Variants in C4orf36 observed in about 807,000 individuals in gnomAD.
C4orf36 encodes chromosome 4 open reading frame 36, also known as uncharacterized protein C4orf36.
Under a neutral mutation model 12.2 loss-of-function variants are expected in C4orf36, and 11 were observed. The ratio of observed to expected loss-of-function variants is 0.90; its 90% confidence interval spans 0.57 to 1.49. The LOEUF (loss-of-function observed/expected upper bound fraction) is 1.49, where lower values mean the gene tolerates loss of function less well. Ranked by LOEUF, C4orf36 falls within the 40% of genes most tolerant of loss-of-function variation. The pLI is 0.00. For synonymous variants in C4orf36, 54 were observed against 51.3 expected (o/e 1.05, Z -0.22); for missense variants, 137 against 133.9 (o/e 1.02, Z -0.11).
chr4:86,891,906 T>A (rs1332978331), intron 1 of C4orf36, among the ~76,000 whole-genome samples: 1 of 152,346 alleles, frequency 6.6e-6, no homozygotes, highest in South Asian at 2.1e-4. Flanking sequence ...ATCGTGGCAG[T>A]GCTGAGCGAC....
chr4:86,935,801 GAC>G, the C4orf36 span: 1 of 151,988 alleles, frequency 6.6e-6, no homozygotes, highest in East Asian at 1.9e-4. Flanking sequence ...CACCTTCTGA[GAC>G]TTAACTTCAG....
At chr4:86,888,529 A>G (rs1319705368) in intron 2 of C4orf36, among the ~76,000 whole-genome samples, 5 of 152,224 alleles carry the variant, frequency 3.3e-5, no homozygotes, top group Non-Finnish European at 7.4e-5. Flanking sequence ...CCATGAAGTC[A>G]ATCCATTCTT....
the C4orf36 span, chr4:86,934,925 A>G: frequency 1.3e-5 from 2 of 151,634 alleles, no homozygotes; most frequent in Non-Finnish European, 2.9e-5. Context: ...CCGGTACCGC[A>G]GCTCGGGAGG....
the C4orf36 span, chr4:86,924,805 C>T: frequency 6.6e-6 from 1 of 152,236 alleles, no homozygotes; most frequent in Non-Finnish European, 1.5e-5. Flanking sequence ...TGTGCTAGCA[C>T]ATTCTCACAT....
chr4:86,903,497 A>G, the C4orf36 span, among the ~76,000 whole-genome samples: 1 of 152,198 alleles, frequency 6.6e-6, no homozygotes, highest in African/African-American at 2.4e-5. Context: ...GGAATTGTTC[A>G]TTCCTTCCAG....
At chr4:86,925,646 C>T in the C4orf36 span, 3 of 152,092 alleles carry the variant, frequency 2.0e-5, no homozygotes, top group Admixed American at 2.0e-4. Context: ...GTTGAGAAAT[C>T]TAATATCAAT....
the C4orf36 span, among the ~76,000 whole-genome samples, chr4:86,905,537 A>C: frequency 6.6e-6 from 1 of 152,096 alleles, no homozygotes; most frequent in African/African-American, 2.4e-5. Flanking sequence ...TGGGTGACAG[A>C]GCAAGATCCT....
the C4orf36 span, among the ~76,000 whole-genome samples, chr4:86,930,332 TATACTA>T: frequency 1.3e-5 from 2 of 152,256 alleles, no homozygotes; most frequent in Non-Finnish European, 2.9e-5. Context: ...TTGAAACACT[TATACTA>T]ATCTAATTTT....
the C4orf36 span, among the ~76,000 whole-genome samples, chr4:86,931,460 A>G: frequency 1.3e-5 from 2 of 151,996 alleles, no homozygotes; most frequent in African/African-American, 4.8e-5. Flanking sequence ...GTGCAGTGGC[A>G]TGATCATACC....
chr4:86,927,913 C>A, the C4orf36 span, among the ~76,000 whole-genome samples: 1 of 152,106 alleles, frequency 6.6e-6, no homozygotes, highest in Non-Finnish European at 1.5e-5. Flanking sequence ...AAGGAAGATT[C>A]ATCTGAGAGT....
intron 4 of C4orf36, among the ~76,000 whole-genome samples, chr4:86,884,407 G>A (rs1212860055): frequency 6.6e-6 from 1 of 150,958 alleles, no homozygotes; most frequent in Non-Finnish European, 1.5e-5. Flanking sequence ...TAGGCTCAAG[G>A]GATCCTCCCA....
intron 4 of C4orf36, among the ~76,000 whole-genome samples, chr4:86,884,048 A>C (rs969818688): frequency 6.6e-6 from 1 of 152,172 alleles, no homozygotes; most frequent in Non-Finnish European, 1.5e-5. Flanking sequence ...TCATCTAAAA[A>C]ATACTAAACT....
At chr4:86,889,685 G>A (rs898448224) in intron 2 of C4orf36, among the ~76,000 whole-genome samples, 1 of 152,006 alleles carries the variant, frequency 6.6e-6, no homozygotes, top group Non-Finnish European at 1.5e-5. Context: ...AGAGGCAGAG[G>A]CAGGAGGATC....
At chr4:86,889,760 T>G (rs1747322035) in intron 2 of C4orf36, among the ~76,000 whole-genome samples, 1 of 151,634 alleles carries the variant, frequency 6.6e-6, no homozygotes, top group South Asian at 2.1e-4. Context: ...CACAAAAAAA[T>G]CAAAAAATTA....
chr4:86,876,459 G>T lies in C4orf36; in HGVS notation c.*3-16C>A, dbSNP rs1045277597. 5.6e-6 allele frequency: 9 copies of T among 1,613,194 alleles called. No individual in the cohort carries two copies. The Admixed American group carries it at 1.2e-4, about 21-fold the overall frequency. On this transcript the variant is annotated splice_polypyrimidine_tract_variant and intron_variant, in intron 4 of 4. Coordinates refer to ENST00000295898, the MANE Select transcript of C4orf36 (RefSeq NM_144645.4). ...GCGCTTCAGGCTGCGCAAAGGAGAG[G>T]GGGAAAATAAGATTTTATTTTATCA... is the stretch of plus-strand genomic sequence containing the variant.
chr4:86,928,086 A>G, the C4orf36 span, among the ~76,000 whole-genome samples: 2 of 152,238 alleles, frequency 1.3e-5, no homozygotes, highest in South Asian at 2.1e-4. Flanking sequence ...CAGTTGCTCA[A>G]TCTTTCTGAT....
At chr4:86,890,293 G>A (rs990228637) in intron 2 of C4orf36, 1 of 375,296 alleles carries the variant, frequency 2.7e-6, no homozygotes, top group East Asian at 7.4e-5. Flanking sequence ...TGGTTGTGAA[G>A]TTGGGATCTG....
At chr4:86,879,869 G>A (rs1311669127) in intron 4 of C4orf36, among the ~76,000 whole-genome samples, 1 of 120,784 alleles carries the variant, frequency 8.3e-6, no homozygotes, top group East Asian at 2.6e-4. Context: ...TTTTTTTTTT[G>A]AGATAGGATC....
chr4:86,899,679 A>G, the C4orf36 span, among the ~76,000 whole-genome samples: 2 of 152,220 alleles, frequency 1.3e-5, no homozygotes, highest in African/African-American at 2.4e-5. Flanking sequence ...AAATATATAC[A>G]TATTAGCCAA....
Sources: allele counts gnomAD v4.1 joint callset (sites outside exome capture counted in the v4.1 genomes callset), GRCh38; gene constraint gnomAD v4.1.1; transcripts MANE v1.5; gene names NCBI Gene and HGNC (gene_info 2026-07-23, HGNC 2026-07-21).